The following PCSK5 variants were observed in gnomAD, a reference collection of about 807,000 sequenced individuals.
The protein encoded by PCSK5 is proprotein convertase subtilisin/kexin type 5.
PCSK5 carries 129 observed loss-of-function variants against 233.2 expected under a neutral mutation model. The observed-to-expected ratio is 0.55, with a 90% CI of 0.48 to 0.64. The LOEUF (loss-of-function observed/expected upper bound fraction) is 0.64. PCSK5 is among the 30% of genes least tolerant of loss of function. The probability of loss-of-function intolerance (pLI) is 0.00; values close to 1 mark genes in which losing one functional copy is unlikely to be tolerated. For missense variants in PCSK5, 2,076 were observed against 2,430.1 expected, an observed-to-expected ratio of 0.85 and a Z score of 3.06; for synonymous variants, 825 against 879.2, an observed-to-expected ratio of 0.94 and a Z score of 1.09.
intron 5 of PCSK5, among the ~76,000 whole-genome samples, chr9:76,060,561 G>T (rs1434629930): frequency 6.6e-6 from 1 of 151,950 alleles, no homozygotes; most frequent in Non-Finnish European, 1.5e-5. Flanking sequence ...TGCTGTTCAG[G>T]GTTCAACTGT....
At chr9:76,200,905 T>C (rs1159966711) in intron 20 of PCSK5, among the ~76,000 whole-genome samples, 1 of 152,218 alleles carries the variant, frequency 6.6e-6, no homozygotes, top group Non-Finnish European at 1.5e-5. Context: ...GAGAGGCTAA[T>C]TGATTTGCCC....
At chr9:76,252,538 C>T (rs1212793038) in intron 24 of PCSK5, among the ~76,000 whole-genome samples, 1 of 152,170 alleles carries the variant, frequency 6.6e-6, no homozygotes, top group Non-Finnish European at 1.5e-5. Flanking sequence ...CAGGGGAGAG[C>T]TCTACAGCAG....
intron 6 of PCSK5, among the ~76,000 whole-genome samples, chr9:76,069,490 C>G (rs564539229): frequency 6.7e-6 from 1 of 150,078 alleles, no homozygotes; most frequent in Non-Finnish European, 1.5e-5. Context: ...GGCAACAAAT[C>G]AAAAATGTTC....
In PCSK5 at chr9:76,261,383, T is replaced by G. The variant is rs761881486; in HGVS notation, c.3142+20699T>G. Among the ~76,000 whole-genome samples, 7 of 152,278 alleles carry G rather than the reference T, an allele frequency of 4.6e-5. No homozygotes were observed. The East Asian group carries it at 1.2e-3, about 25-fold the overall frequency. ...TATACCTAGAAAACCCTAAAGACAC[T>G]GCCAAAAGGCTCTAAGAACTGAAAA... On this transcript the variant is annotated intron_variant, in intron 24 of 37. Transcript: ENST00000674117.
rs565221868 is a variant in PCSK5 at position 75,967,066 on chromosome 9, C to T, written c.298-19066C>T. Among the ~76,000 whole-genome samples the T allele has an allele frequency of 7.0e-3, 442 of 63,040 alleles. 6 individuals carry two copies. The highest frequency in any genetic ancestry group is 0.01 in the Non-Finnish European group (270 of 25,740). 41.4% of individuals were successfully genotyped at this position (63,040 alleles called of 152,430 possible). On this transcript the variant is annotated intron_variant, in intron 2 of 37. Coordinates refer to ENST00000674117, the MANE Select transcript of PCSK5 (RefSeq NM_001372043.1). ...TTACTGCAAATACAGGGTAACATTT[C>T]CACCCCTTTTTTAAGTGTTTTATTT... is the stretch of plus-strand genomic sequence containing the variant.
chr9:76,228,617 G>A (rs1289385485), intron 21 of PCSK5, among the ~76,000 whole-genome samples: 1 of 152,200 alleles, frequency 6.6e-6, no homozygotes, highest in Non-Finnish European at 1.5e-5. Context: ...AAGAAAGCTG[G>A]AGGCCTGTTT....
chr9:75,909,416 C>T (rs1381523633), intron 1 of PCSK5, among the ~76,000 whole-genome samples: 1 of 151,554 alleles, frequency 6.6e-6, no homozygotes, highest in African/African-American at 2.4e-5. Flanking sequence ...GCCCTCAGAG[C>T]TGGGTGCGGT....
At chr9:76,227,227 A>G (rs73650500) in intron 20 of PCSK5, among the ~76,000 whole-genome samples, 4,380 of 152,294 alleles carry the variant, frequency 0.029, 175 homozygotes, top group African/African-American at 0.095. Context: ...GGCCTTCCCT[A>G]CTTATAAAAT....
rs376014714 is a variant in PCSK5, at chr9:76,328,603, CA to C, written c.4570+365del. On this transcript the variant is annotated intron_variant, in intron 33 of 37. Coordinates refer to ENST00000674117, the MANE Select transcript of PCSK5 (RefSeq NM_001372043.1). ...TTTTTCGAAGCCATTTGAAGGCATA[CA>C]TCATGGCCCCTTTCCCATAAATATT... Among the ~76,000 whole-genome samples the C allele has an allele frequency of 3.7e-3, 571 of 152,272 alleles. 7 individuals carry two copies. The highest frequency in any genetic ancestry group is 0.013 in the African/African-American group (546 of 41,530).
At chr9:76,037,099 A>G (rs1828890025) in intron 5 of PCSK5, among the ~76,000 whole-genome samples, 3 of 152,242 alleles carry the variant, frequency 2.0e-5, no homozygotes. Flanking sequence ...AGTGGTATTC[A>G]TTTTGTGGAA....
At position 75,919,235 on chromosome 9, in the gene PCSK5, T is replaced by C. The variant is rs937156114; in HGVS notation, c.193-13144T>C. On this transcript the variant is annotated intron_variant, in intron 1 of 37. Transcript: ENST00000674117. ...AATACAATAGGCAGCCCTCTGAGTT[T>C]TGCTTTTTCCTTTGTTGTAATGCAT... Among the ~76,000 whole-genome samples the C allele has an allele frequency of 2.0e-5, 3 of 152,198 alleles. No homozygotes were observed. The South Asian group carries it at 6.2e-4, about 31-fold the overall frequency.
chr9:76,313,559 G>A (rs1310543828), intron 30 of PCSK5, among the ~76,000 whole-genome samples: 1 of 152,142 alleles, frequency 6.6e-6, no homozygotes, highest in East Asian at 1.9e-4. Flanking sequence ...CAAGCATGGT[G>A]GCCATGGTGC....
intron 1 of PCSK5, 137 bp from the exon 2 acceptor site, chr9:75,932,242 G>A (rs1023617710): frequency 3.3e-6 from 2 of 614,644 alleles, no homozygotes; most frequent in African/African-American, 3.7e-5. Context: ...TAACATTTAA[G>A]CACAGCCAGC....
chr9:76,345,273 C>A (rs187331383), intron 35 of PCSK5, among the ~76,000 whole-genome samples: 11 of 152,072 alleles, frequency 7.2e-5, no homozygotes, highest in Admixed American at 7.2e-4. Flanking sequence ...AGTTCTGTCA[C>A]CCAGGCTAAA....
Position 75,903,560 on chromosome 9 carries a change from A to ATGTG in PCSK5, c.192+12188_192+12189insGTGT, listed in dbSNP as rs200020730. On this transcript the variant is annotated intron_variant, in intron 1 of 37. Transcript: ENST00000674117. Reference sequence around the variant, plus strand: ...TGTATGTGTATGTGCATGTGTGTATATATGTGTGTGTGTGTATATATATAT... The same window carrying ATGTG: ...TGTATGTGTATGTGCATGTGTGTATATGTGTATGTGTGTGTGTGTATATATATAT... Among the ~76,000 whole-genome samples the ATGTG allele has an allele frequency of 9.0e-4, 109 of 121,162 alleles. 1 individual carries two copies. Among genetic ancestry groups the ATGTG allele is most frequent in the Non-Finnish European group, 1.1e-3 (65 of 57,326 alleles). 79.5% of individuals were successfully genotyped at this position (121,162 alleles called of 152,430 possible).
chr9:76,227,434 T>C, intron 20 of PCSK5, 69 bp from the exon 21 acceptor site: 1 of 1,091,700 alleles, frequency 9.2e-7, no homozygotes. Context: ...ATCTGGCTGC[T>C]CTCAGACTGA....
At chr9:75,925,610 A>G (rs1203832394) in intron 1 of PCSK5, among the ~76,000 whole-genome samples, 2 of 152,216 alleles carry the variant, frequency 1.3e-5, no homozygotes, top group African/African-American at 4.8e-5. Context: ...TTGGGTGGTC[A>G]CAGAAAGCCT....
At chr9:76,056,907 T>C (rs1474221714) in intron 5 of PCSK5, among the ~76,000 whole-genome samples, 1 of 152,184 alleles carries the variant, frequency 6.6e-6, no homozygotes, top group Non-Finnish European at 1.5e-5. Flanking sequence ...TAATGGGTTG[T>C]CTTCTGGAAG....
intron 1 of PCSK5, among the ~76,000 whole-genome samples, chr9:75,931,685 G>A (rs143550685): frequency 5.4e-4 from 83 of 152,346 alleles, no homozygotes; most frequent in African/African-American, 2.0e-3. Context: ...AGACCTAACT[G>A]AGGAAAGGTG....
Sources: gnomAD v4.1 joint callset for allele counts (sites outside exome capture counted in the v4.1 genomes callset) on GRCh38, gnomAD v4.1.1 for gene constraint, MANE v1.5 for transcripts, NCBI Gene and HGNC (gene_info 2026-07-23, HGNC 2026-07-21) for gene names.